Variants in NBAS observed in about 807,000 individuals in gnomAD.
NBAS encodes the protein NBAS subunit of NRZ tethering complex.
A neutral mutation model predicts 302.5 loss-of-function variants in NBAS; 219 were observed. The ratio of observed to expected loss-of-function variants is 0.72; its 90% CI spans 0.65 to 0.81. The LOEUF (loss-of-function observed/expected upper bound fraction) is 0.81, where lower values mean the gene tolerates loss of function less well. Among genes scored for constraint, NBAS ranks in the 30% least tolerant of loss-of-function variants. The pLI, the probability that NBAS is intolerant of heterozygous loss-of-function variation, is 0.00. For missense variants in NBAS, 2,932 were observed against 2,841.6 expected (o/e 1.03, Z -0.72); for synonymous variants, 1,118 against 1,021.6 (o/e 1.09, Z -1.80).
chr2:15,406,521 C>T (rs988247072), intron 25 of NBAS, among the ~76,000 whole-genome samples: 2 of 152,046 alleles, frequency 1.3e-5, no homozygotes, highest in Admixed American at 1.3e-4. Flanking sequence ...CCAACTATTA[C>T]TCAAAATACA....
chr2:15,486,457 G>A (rs1294349890), intron 12 of NBAS, among the ~76,000 whole-genome samples: 1 of 152,088 alleles, frequency 6.6e-6, no homozygotes, highest in Non-Finnish European at 1.5e-5. Context: ...CAGGAACATG[G>A]AATCAAAGCC....
the NBAS span, among the ~76,000 whole-genome samples, chr2:14,814,187 G>C: frequency 6.6e-6 from 1 of 152,196 alleles, no homozygotes; most frequent in African/African-American, 2.4e-5. Flanking sequence ...AGTGTGGAGG[G>C]AAAATATGGA....
intron 44 of NBAS, among the ~76,000 whole-genome samples, chr2:15,266,382 T>A (rs7605754): frequency 0.57 from 86,716 of 151,922 alleles, 27,661 homozygotes; most frequent in East Asian, 0.85. Flanking sequence ...GCCCCAGTAA[T>A]CTTACTACAT....
chr2:14,969,233 G>A, the NBAS span, among the ~76,000 whole-genome samples: 1 of 152,078 alleles, frequency 6.6e-6, no homozygotes, highest in East Asian at 1.9e-4. Flanking sequence ...TTAGGTATGG[G>A]GTTCCTTTTG....
At chr2:15,197,132 G>T (rs931554818) in intron 48 of NBAS, among the ~76,000 whole-genome samples, 8 of 152,146 alleles carry the variant, frequency 5.3e-5, no homozygotes, top group Admixed American at 3.9e-4. Context: ...TTGAATTGTA[G>T]TCAACAGTGT....
At chr2:15,271,833 T>C (rs1351983581) in intron 44 of NBAS, among the ~76,000 whole-genome samples, 1 of 152,180 alleles carries the variant, frequency 6.6e-6, no homozygotes, top group African/African-American at 2.4e-5. Flanking sequence ...ATTCACTTGT[T>C]CTCTGTCCCT....
chr2:15,539,012 C>T (rs1663661760), intron 7 of NBAS, among the ~76,000 whole-genome samples: 1 of 152,108 alleles, frequency 6.6e-6, no homozygotes, highest in Admixed American at 6.5e-5. Flanking sequence ...CTTACTACCA[C>T]GTGGTTTACA....
the NBAS span, among the ~76,000 whole-genome samples, chr2:15,004,580 C>A: frequency 6.6e-6 from 1 of 151,946 alleles, no homozygotes; most frequent in Non-Finnish European, 1.5e-5. Flanking sequence ...TGGCTCGTGG[C>A]AGCCTCAACC....
the NBAS span, among the ~76,000 whole-genome samples, chr2:15,014,242 C>G: frequency 6.6e-6 from 1 of 151,988 alleles, no homozygotes; most frequent in South Asian, 2.1e-4. Context: ...GTTATCTGGA[C>G]AGAAAATCAA....
In NBAS at chr2:15,352,066, C is replaced by G. The variant is rs542454421; in HGVS notation, c.4105G>C (p.Val1369Leu). The change falls in exon 35 of 52, where the codon GTG (valine) becomes CTG (leucine). Residue 1369 changes from valine (V) to leucine (L), a missense_variant. Physicochemically the swap from Val to Leu is conservative, Grantham distance 32 (BLOSUM62 1). Coordinates refer to ENST00000281513, the MANE Select transcript of NBAS (RefSeq NM_015909.4). ...CCTTCATGATGGATCTGGAAATTCA[C>G]TCTTTGATAAAGAATCTAAAACAAG... ...SLQTEILYQR[V>L]NFQIHHEGGE... 37 of 1,609,444 alleles carry G rather than the reference C, an allele frequency of 2.3e-5. No homozygotes were observed. In the South Asian group the frequency reaches 3.8e-4, roughly 17 times the overall value.
At chr2:15,150,927 G>A in the NBAS span, among the ~76,000 whole-genome samples, 1 of 152,052 alleles carries the variant, frequency 6.6e-6, no homozygotes, top group Non-Finnish European at 1.5e-5. Flanking sequence ...CTAAGAGTAG[G>A]CAAAACCTAT....
At chr2:15,102,209 C>T in the NBAS span, among the ~76,000 whole-genome samples, 1,239 of 152,224 alleles carry the variant, frequency 8.1e-3, 20 homozygotes, top group African/African-American at 0.023. Flanking sequence ...TGAGAGAAGA[C>T]GCAAGGTCAA....
rs372128630 is a variant in NBAS at position 15,479,178 on chromosome 2, G to A, written c.1084-889C>T. 2.0e-5 allele frequency among the ~76,000 whole-genome samples: 3 copies of A among 152,124 alleles called. No homozygotes were observed. The East Asian group carries it at 5.8e-4, about 29-fold the overall frequency. Reference sequence around the variant, plus strand: ...CTATTATGGTAAATCACTCAGAGCAGACCCTGAGAACAGAAGACACGGTCT... The same window carrying A: ...CTATTATGGTAAATCACTCAGAGCAAACCCTGAGAACAGAAGACACGGTCT... On this transcript the variant is annotated intron_variant, in intron 12 of 51. Coordinates refer to ENST00000281513, the MANE Select transcript of NBAS (RefSeq NM_015909.4).
At position 15,247,467 on chromosome 2, in the gene NBAS, C is replaced by T. The variant is rs114135400; in HGVS notation, c.5725-8781G>A. ...AAATTGGATGAAAGTCAAGAGCCAT[C>T]GGTGTGCTCTATTCAGGAGACCATT... On this transcript the variant is annotated intron_variant, in intron 44 of 51. Coordinates refer to ENST00000281513, the MANE Select transcript of NBAS (RefSeq NM_015909.4). Among the ~76,000 whole-genome samples, 635 of 152,064 alleles carry T rather than the reference C, an allele frequency of 4.2e-3. 5 individuals carry two copies. Among genetic ancestry groups the T allele is most frequent in the South Asian group, 0.016 (78 of 4,814 alleles).
At chr2:14,909,366 TAA>T in the NBAS span, among the ~76,000 whole-genome samples, 7 of 78,576 alleles carry the variant, frequency 8.9e-5, no homozygotes, top group African/African-American at 2.2e-4. Flanking sequence ...GGAGAGTTTC[TAA>T]AAAAAAAAAA....
the NBAS span, among the ~76,000 whole-genome samples, chr2:14,791,374 C>T: frequency 6.6e-6 from 1 of 152,184 alleles, no homozygotes; most frequent in Non-Finnish European, 1.5e-5. Context: ...GGAACGAAAA[C>T]ACAACCATCT....
At chr2:15,260,645 A>T (rs1668807134) in intron 44 of NBAS, among the ~76,000 whole-genome samples, 1 of 152,120 alleles carries the variant, frequency 6.6e-6, no homozygotes, top group Non-Finnish European at 1.5e-5. Flanking sequence ...AAATGACATT[A>T]TGTTAAAGGA....
At chr2:15,132,293 G>A in the NBAS span, among the ~76,000 whole-genome samples, 2 of 152,186 alleles carry the variant, frequency 1.3e-5, no homozygotes, top group Non-Finnish European at 2.9e-5. Context: ...GGACATTTAT[G>A]TACATACTTC....
At chr2:15,320,748 A>G (rs1671763986) in intron 38 of NBAS, among the ~76,000 whole-genome samples, 2 of 140,566 alleles carry the variant, frequency 1.4e-5, no homozygotes. Context: ...AAAATAAAAG[A>G]GGATACAAAT....
Sources: gnomAD v4.1 joint callset for allele counts (sites outside exome capture counted in the v4.1 genomes callset) on GRCh38, gnomAD v4.1.1 for gene constraint, MANE v1.5 for transcripts, NCBI Gene and HGNC (gene_info 2026-07-23, HGNC 2026-07-21) for gene names.